The following TMED10 variants were observed in gnomAD, a reference collection of about 807,000 sequenced individuals.
TMED10 encodes the protein transmembrane emp24 domain-containing protein 10.
TMED10 carries 7 observed loss-of-function variants against 23.1 expected under a neutral mutation model. That is an observed-to-expected ratio of 0.30 (90% confidence interval 0.17 to 0.57). The LOEUF is 0.57. Among genes scored for constraint, TMED10 ranks in the 20% least tolerant of loss-of-function variants. The pLI is 0.91. For synonymous variants in TMED10, 113 were observed against 106.9 expected (o/e 1.06, Z -0.35); for missense variants, 162 against 274.8 (o/e 0.59, Z 2.90).
rs374869393 is a variant in TMED10, at chr14:75,157,603, T to C, written c.226-5460A>G. Among the ~76,000 whole-genome samples the C allele has an allele frequency of 1.4e-4, 21 of 151,848 alleles. No homozygotes were observed. In the East Asian group the frequency reaches 3.7e-3, roughly 27 times the overall value. On this transcript the variant is annotated intron_variant, in intron 1 of 4. Transcript: ENST00000303575. ...AGGTCGAGGCTGCAGTGAGCTGTGA[T>C]TGTGCCACTGCACTCCAGCCTGGGC...
intron 1 of TMED10, among the ~76,000 whole-genome samples, chr14:75,155,857 T>C (rs1896014469): frequency 6.6e-6 from 1 of 152,220 alleles, no homozygotes; most frequent in Non-Finnish European, 1.5e-5. Context: ...AGCTAGTATT[T>C]ACTGAATACT....
At chr14:75,145,708 A>G (rs950119678) in intron 3 of TMED10, among the ~76,000 whole-genome samples, 2 of 151,978 alleles carry the variant, frequency 1.3e-5, no homozygotes, top group African/African-American at 4.8e-5. Context: ...AATGGCGTGA[A>G]CCCGGGAGGC....
chr14:75,135,952 C>A, intron 3 of TMED10, 66 bp from the exon 4 acceptor site: 2 of 1,579,560 alleles, frequency 1.3e-6, no homozygotes, highest in South Asian at 2.3e-5. Context: ...ATAAAGAAGG[C>A]AACAGAGAAG....
At chr14:75,155,788 A>G (rs188382428) in intron 1 of TMED10, among the ~76,000 whole-genome samples, 2 of 152,288 alleles carry the variant, frequency 1.3e-5, no homozygotes, top group Non-Finnish European at 2.9e-5. Flanking sequence ...GACAGCAAAT[A>G]TGAAGGCCTG....
chr14:75,150,423 A>G (rs1895941701), intron 2 of TMED10, among the ~76,000 whole-genome samples: 1 of 152,202 alleles, frequency 6.6e-6, no homozygotes, highest in African/African-American at 2.4e-5. Flanking sequence ...TCTTTCTTAC[A>G]AGGTCTTCCA....
intron 1 of TMED10, among the ~76,000 whole-genome samples, chr14:75,164,564 TA>T (rs1896132897): frequency 7.2e-4 from 2 of 2,780 alleles, no homozygotes; most frequent in Non-Finnish European, 1.1e-3. Flanking sequence ...TATATATATA[TA>T]TATATATATA....
At chr14:75,156,916 AAAAAG>A (rs57658115) in intron 1 of TMED10, among the ~76,000 whole-genome samples, 4,306 of 135,528 alleles carry the variant, frequency 0.032, 134 homozygotes, top group Middle Eastern at 0.093. Context: ...CCGTCTCAAA[AAAAAG>A]AAAAGAAAAG....
At position 75,147,416 on chromosome 14, in the gene TMED10, A is replaced by T. The variant is rs1159921328; in HGVS notation, c.411+248T>A. On this transcript the variant is annotated intron_variant, in intron 3 of 4. Transcript: ENST00000303575. Reference sequence around the variant, plus strand: ...ACCATGTTGACCAGGCTGGTATCGAACTCCTGACCTCAGGCGATCCACCCG... The same window carrying T: ...ACCATGTTGACCAGGCTGGTATCGATCTCCTGACCTCAGGCGATCCACCCG... The T allele has an allele frequency of 7.8e-6, 4 of 512,076 alleles. No homozygotes were observed. The East Asian group carries it at 1.3e-4, about 17-fold the overall frequency. The allele number at this position is 512,076 out of a possible 1,614,324, so 31.7% of individuals were successfully genotyped here.
At chr14:75,172,915 G>A (rs1372493896) in intron 1 of TMED10, among the ~76,000 whole-genome samples, 5 of 151,832 alleles carry the variant, frequency 3.3e-5, no homozygotes, top group African/African-American at 1.2e-4. Flanking sequence ...TAATTTTTAG[G>A]GGGCCAAACC....
intron 1 of TMED10, among the ~76,000 whole-genome samples, chr14:75,157,449 T>C (rs1015185433): frequency 1.3e-5 from 2 of 152,080 alleles, no homozygotes; most frequent in Non-Finnish European, 2.9e-5. Flanking sequence ...CCCAGGAGTT[T>C]GAGACCAGCC....
At chr14:75,146,384 T>C (rs1895883174) in intron 3 of TMED10, among the ~76,000 whole-genome samples, 1 of 152,266 alleles carries the variant, frequency 6.6e-6, no homozygotes, top group African/African-American at 2.4e-5. Flanking sequence ...TCTGTTCCAC[T>C]ATTCCTAGAC....
intron 1 of TMED10, among the ~76,000 whole-genome samples, chr14:75,164,323 C>T (rs937325314): frequency 9.3e-5 from 14 of 150,488 alleles, no homozygotes; most frequent in Admixed American, 5.3e-4. Context: ...CCTCCACCTC[C>T]GGGTTCAAGC....
intron 1 of TMED10, among the ~76,000 whole-genome samples, chr14:75,152,997 C>G (rs1484431712): frequency 6.6e-6 from 1 of 152,212 alleles, no homozygotes; most frequent in African/African-American, 2.4e-5. Flanking sequence ...TGGCATATGC[C>G]TGTAGTCCCA....
intron 1 of TMED10, among the ~76,000 whole-genome samples, chr14:75,164,563 ATATATATATATATATTTTTTT>A (rs1474237853): frequency 0.026 from 110 of 4,246 alleles, 3 homozygotes; most frequent in South Asian, 0.076. Context: ...ATATATATAT[ATATATATATATATATTTTTTT>A]TTTTTTTTTT....
intron 1 of TMED10, among the ~76,000 whole-genome samples, chr14:75,157,755 C>T (rs1162470633): frequency 3.9e-5 from 6 of 152,026 alleles, no homozygotes; most frequent in African/African-American, 7.2e-5. Context: ...GCCTGGCCAA[C>T]GTGGCGAAAC....
chr14:75,170,902 G>A (rs8003039), intron 1 of TMED10, among the ~76,000 whole-genome samples: 87 of 152,240 alleles, frequency 5.7e-4, no homozygotes, highest in African/African-American at 2.0e-3. Context: ...AGTCATCAGT[G>A]GATTCCTAAG....
intron 3 of TMED10, among the ~76,000 whole-genome samples, chr14:75,138,812 C>CTTTTTTTT (rs59707221): frequency 3.0e-3 from 281 of 94,948 alleles, no homozygotes; most frequent in African/African-American, 3.4e-3. Context: ...GCCTTTGCTT[C>CTTTTTTTT]TTTTTTTTTT....
At chr14:75,145,826 TG>T (rs1409197718) in intron 3 of TMED10, among the ~76,000 whole-genome samples, 1 of 152,130 alleles carries the variant, frequency 6.6e-6, no homozygotes, top group African/African-American at 2.4e-5. Flanking sequence ...ACAGGCATCA[TG>T]TTGGAGAAAA....
chr14:75,160,918 C>T (rs940791672), intron 1 of TMED10, among the ~76,000 whole-genome samples: 39 of 152,242 alleles, frequency 2.6e-4, no homozygotes, highest in African/African-American at 8.7e-4. Flanking sequence ...GTGGCAGGCG[C>T]GTGTAATCCC....
Sources: allele counts gnomAD v4.1 joint callset (sites outside exome capture counted in the v4.1 genomes callset), GRCh38; gene constraint gnomAD v4.1.1; transcripts MANE v1.5; gene names NCBI Gene and HGNC (gene_info 2026-07-23, HGNC 2026-07-21).